ACSS3: variants seen among roughly 807,000 people sequenced by gnomAD.
The protein encoded by ACSS3 is acyl-CoA synthetase short chain family member 3.
In ACSS3, 64 loss-of-function variants were observed where a neutral mutation model predicts 84.2. The ratio of observed to expected loss-of-function variants is 0.76; its 90% CI spans 0.62 to 0.94. The LOEUF (loss-of-function observed/expected upper bound fraction) is 0.94. ACSS3 is among the 40% of genes least tolerant of loss of function. The probability of loss-of-function intolerance (pLI) is 0.00; values close to 1 mark genes in which losing one functional copy is unlikely to be tolerated. For missense variants in ACSS3, 815 were observed against 867.6 expected, an observed-to-expected ratio of 0.94 and a Z score of 0.76; for synonymous variants, 317 against 310.1, an observed-to-expected ratio of 1.02 and a Z score of -0.23.
chr12:81,143,608 A>G (rs1418891932), intron 5 of ACSS3: 1 of 152,024 alleles, frequency 6.6e-6, no homozygotes, highest in Non-Finnish European at 1.5e-5. Flanking sequence ...ATATAAAAAT[A>G]TATTTTAAAT....
rs2034375003 is a variant in ACSS3, at chr12:81,257,966, G to A, written c.*3044G>A. On this transcript the variant is annotated 3_prime_UTR_variant, in exon 16 of 16. Coordinates refer to ENST00000548058, the MANE Select transcript of ACSS3 (RefSeq NM_024560.4). ...TTTAGTGATTGAGTGTTATATAATAGTAGATACAAATCTAGTTATGGCATT... is the reference window on the plus strand; with the variant it reads ...TTTAGTGATTGAGTGTTATATAATAATAGATACAAATCTAGTTATGGCATT... 1 of 152,062 alleles carries A rather than the reference G, an allele frequency of 6.6e-6. No homozygotes were observed. Among genetic ancestry groups the A allele is most frequent in the Non-Finnish European group, 1.5e-5 (1 of 67,998 alleles). 9.4% of individuals were successfully genotyped at this position (152,062 alleles called of 1,614,324 possible). A position where few individuals can be genotyped will look rare whatever the true frequency, so the allele number is the denominator to read the frequency against.
Position 81,109,777 on chromosome 12 carries a change from G to A in ACSS3, c.456+73G>A, listed in dbSNP as rs1356860142. 2.4e-6 allele frequency: 3 copies of A among 1,248,426 alleles called. No homozygotes were observed. The Admixed American group carries it at 8.1e-5, about 34-fold the overall frequency. 77.3% of individuals were successfully genotyped at this position (1,248,426 alleles called of 1,614,324 possible). ...TACTTAAATAGCATACATTCTCATT[G>A]TAGAGCCTTCAATTCTCTAATGCAT... On this transcript the variant is annotated intron_variant, in intron 2 of 15. Coordinates refer to ENST00000548058, the MANE Select transcript of ACSS3 (RefSeq NM_024560.4).
At chr12:81,102,833 A>G (rs1216672986) in intron 1 of ACSS3, among the ~76,000 whole-genome samples, 1 of 152,154 alleles carries the variant, frequency 6.6e-6, no homozygotes, top group East Asian at 1.9e-4. Flanking sequence ...ATCTAAAAAA[A>G]AAAAAAGGAG....
chr12:81,115,040 G>A (rs537410275), intron 2 of ACSS3, among the ~76,000 whole-genome samples: 83 of 152,198 alleles, frequency 5.5e-4, no homozygotes, highest in Non-Finnish European at 9.6e-4. Context: ...CAACTTTCTG[G>A]TGATGAGTTT....
chr12:81,239,573 T>C (rs2033727930), intron 13 of ACSS3, among the ~76,000 whole-genome samples: 1 of 151,906 alleles, frequency 6.6e-6, no homozygotes, highest in African/African-American at 2.4e-5. Context: ...AGTCATGTCT[T>C]ACATGGCGGC....
At chr12:81,091,884 A>C (rs1881691104) in intron 1 of ACSS3, among the ~76,000 whole-genome samples, 1 of 152,108 alleles carries the variant, frequency 6.6e-6, no homozygotes, top group South Asian at 2.1e-4. Flanking sequence ...AAGCATCCTG[A>C]GTTCTCAAGA....
chr12:81,155,051 A>G (rs998563466), intron 7 of ACSS3, among the ~76,000 whole-genome samples: 3 of 152,154 alleles, frequency 2.0e-5, no homozygotes, highest in Admixed American at 6.5e-5. Flanking sequence ...TGGCCACACT[A>G]TACTGAAATG....
chr12:81,257,007 A>C lies in ACSS3; in HGVS notation c.*2085A>C, dbSNP rs532404874. 7 of 152,000 alleles carry C rather than the reference A, an allele frequency of 4.6e-5. No individual in the cohort carries two copies. The highest frequency in any genetic ancestry group is 8.8e-5 in the Non-Finnish European group (6 of 67,982). The allele number at this position is 152,000 out of a possible 1,614,324, so 9.4% of individuals were successfully genotyped here. On this transcript the variant is annotated 3_prime_UTR_variant, in exon 16 of 16. Transcript: ENST00000548058. The stretch of plus-strand genomic sequence containing the variant: ...GAATGTGTTTCCTTATTTTTTTTCA[A>C]ATAAGAGTCAGTTAATTTGAAATGG...
At chr12:81,099,399 T>TG (rs1882324972) in intron 1 of ACSS3, among the ~76,000 whole-genome samples, 1 of 152,284 alleles carries the variant, frequency 6.6e-6, no homozygotes, top group East Asian at 1.9e-4. Context: ...AATAAATACA[T>TG]GCAAAGTGCA....
chr12:81,092,097 T>C lies in ACSS3; in HGVS notation c.311+13666T>C, dbSNP rs556684260. Among the ~76,000 whole-genome samples the C allele has an allele frequency of 3.8e-4, 58 of 152,304 alleles. 2 individuals are homozygous for C. In the South Asian group the frequency reaches 0.011, roughly 29 times the overall value. On this transcript the variant is annotated intron_variant, in intron 1 of 15. Coordinates refer to ENST00000548058, the MANE Select transcript of ACSS3 (RefSeq NM_024560.4). ...AGCTGTGCATACATAAATATATACA[T>C]ACACATATATGTTTGTTAGCCTTTT...
intron 4 of ACSS3, among the ~76,000 whole-genome samples, chr12:81,141,450 G>C (rs796550980): frequency 2.7e-4 from 41 of 152,102 alleles, no homozygotes; most frequent in South Asian, 4.1e-4. Flanking sequence ...TGGAATCAAA[G>C]GATATTGCAT....
intron 11 of ACSS3, among the ~76,000 whole-genome samples, chr12:81,226,978 C>T (rs939897244): frequency 4.6e-5 from 7 of 151,366 alleles, no homozygotes; most frequent in Non-Finnish European, 1.0e-4. Flanking sequence ...CACACACACA[C>T]ACACACACAC....
chr12:81,211,613 C>T (rs904257280), intron 9 of ACSS3, among the ~76,000 whole-genome samples: 1 of 152,142 alleles, frequency 6.6e-6, no homozygotes, highest in Non-Finnish European at 1.5e-5. Context: ...ATCTATTAAC[C>T]AGTTATTCTA....
chr12:81,243,143 T>A (rs141745571), intron 13 of ACSS3, among the ~76,000 whole-genome samples: 35 of 151,894 alleles, frequency 2.3e-4, no homozygotes, highest in Admixed American at 7.2e-4. Context: ...CTTAAGCTGA[T>A]AAGCAACTTC....
At chr12:81,234,253 A>C (rs574371974) in intron 13 of ACSS3, among the ~76,000 whole-genome samples, 2 of 151,362 alleles carry the variant, frequency 1.3e-5, no homozygotes, top group East Asian at 3.9e-4. Context: ...GCTGTATAGA[A>C]TTTCATCGTG....
chr12:81,213,591 C>CTTT (rs2032693849), intron 9 of ACSS3, among the ~76,000 whole-genome samples: 2 of 12,960 alleles, frequency 1.5e-4, no homozygotes, highest in African/African-American at 2.9e-4. Context: ...CCTCCCCTCC[C>CTTT]CTCCCCTCCC....
At chr12:81,224,174 G>A (rs2033197168) in intron 11 of ACSS3, among the ~76,000 whole-genome samples, 1 of 151,948 alleles carries the variant, frequency 6.6e-6, no homozygotes, top group Admixed American at 6.6e-5. Context: ...GATAGCATTT[G>A]CTTTCAAATT....
intron 2 of ACSS3, among the ~76,000 whole-genome samples, chr12:81,131,130 G>C (rs1885469620): frequency 6.6e-6 from 1 of 152,130 alleles, no homozygotes; most frequent in Non-Finnish European, 1.5e-5. Flanking sequence ...TGTTCCATAT[G>C]AACATTAAAG....
chr12:81,209,532 A>G (rs2032500031), intron 9 of ACSS3, among the ~76,000 whole-genome samples: 3 of 152,138 alleles, frequency 2.0e-5, no homozygotes, highest in Non-Finnish European at 4.4e-5. Flanking sequence ...CAACCCGGAC[A>G]GTATTCAGTG....
Sources: gnomAD v4.1 joint callset for allele counts (sites outside exome capture counted in the v4.1 genomes callset) on GRCh38, gnomAD v4.1.1 for gene constraint, MANE v1.5 for transcripts, NCBI Gene and HGNC (gene_info 2026-07-23, HGNC 2026-07-21) for gene names.